Variants in SCYL3 observed in about 807,000 individuals in gnomAD.
SCYL3 encodes SCY1 like pseudokinase 3.
A neutral mutation model predicts 73.8 loss-of-function variants in SCYL3; 35 were observed. That is an observed-to-expected ratio of 0.47 (90% CI 0.36 to 0.63). The LOEUF is 0.63. Ranked by LOEUF, SCYL3 falls within the 20% of genes least tolerant of loss-of-function variation. The probability of loss-of-function intolerance (pLI) is 0.00; values close to 1 mark genes in which losing one functional copy is unlikely to be tolerated. For missense variants in SCYL3, 712 were observed against 798.9 expected, an observed-to-expected ratio of 0.89 and a Z score of 1.31; for synonymous variants, 277 against 295.2, an observed-to-expected ratio of 0.94 and a Z score of 0.63.
chr1:169,855,904 C>T, intron 11 of SCYL3: 1 of 1,613,898 alleles, frequency 6.2e-7, no homozygotes, highest in Non-Finnish European at 8.5e-7. Context: ...AAGGGGTTCT[C>T]CAAGATTGGC....
At position 169,852,083 on chromosome 1, in the gene SCYL3, T is replaced by C; in HGVS notation, c.*1630A>G. 1 of 1,100,074 alleles carries C rather than the reference T, an allele frequency of 9.1e-7. No individual in the cohort carries two copies. Among genetic ancestry groups the C allele is most frequent in the Non-Finnish European group, 1.3e-6 (1 of 754,438 alleles). 68.1% of individuals were successfully genotyped at this position (1,100,074 alleles called of 1,614,324 possible). ...AGACATGTAAAATTCTGTTTTATGG[T>C]AGTTGCTTTTAAAATTAAGAAGTGG... On this transcript the variant is annotated 3_prime_UTR_variant, in exon 13 of 13. Transcript: ENST00000367771.
intron 5 of SCYL3, among the ~76,000 whole-genome samples, chr1:169,872,170 C>A (rs1660451355): frequency 6.6e-6 from 1 of 152,354 alleles, no homozygotes; most frequent in East Asian, 1.9e-4. Flanking sequence ...AAAGTGGTTT[C>A]ATGGGCGAGG....
intron 2 of SCYL3, 140 bp from the exon 3 acceptor site, chr1:169,878,959 A>G (rs569657037): frequency 2.2e-5 from 14 of 643,404 alleles, no homozygotes; most frequent in African/African-American, 2.0e-4. Flanking sequence ...CCTACCCACT[A>G]TATTTCACAT....
chr1:169,858,833 T>C (rs902549887), intron 11 of SCYL3, among the ~76,000 whole-genome samples: 4 of 152,008 alleles, frequency 2.6e-5, no homozygotes, highest in East Asian at 3.9e-4. Flanking sequence ...TGTAAACATA[T>C]ATCTGTGTGT....
chr1:169,854,541 T>C lies in SCYL3; in HGVS notation c.1736A>G (p.Asp579Gly). The change falls in exon 12 of 13, where the codon GAC becomes GGC. Residue 579 changes from aspartate (D) to glycine (G), a missense_variant. Around this residue, in one of 2 missense-constraint regions of SCYL3, gnomAD observed 370 missense variants for 350.8 expected, o/e 1.05. Coordinates refer to ENST00000367771, the MANE Select transcript of SCYL3 (RefSeq NM_020423.7). ...TGACACTTTTGGCGGCTCGATTTGGTCTGCGTCATCCCCCCTTTGTACAAG... is the reference window on the plus strand; with the variant it reads ...TGACACTTTTGGCGGCTCGATTTGGCCTGCGTCATCCCCCCTTTGTACAAG... ...ISLVQRGDDADQIEPPKVSSQ... is the reference protein window; with the variant it reads ...ISLVQRGDDAGQIEPPKVSSQ... 6.2e-7 allele frequency: 1 copy of C among 1,613,986 alleles called. No individual in the cohort carries two copies. Among genetic ancestry groups the C allele is most frequent in the Non-Finnish European group, 8.5e-7 (1 of 1,179,974 alleles).
chr1:169,866,721 C>T (rs1368605486), intron 8 of SCYL3, among the ~76,000 whole-genome samples, 175 bp downstream of exon 8: 1 of 152,212 alleles, frequency 6.6e-6, no homozygotes, highest in African/African-American at 2.4e-5. Context: ...GTATCTATTT[C>T]TTTCACCAGA....
At chr1:169,853,869 T>C (rs929188345) in intron 12 of SCYL3, 97 bp from the exon 13 acceptor site, 1 of 1,377,934 alleles carries the variant, frequency 7.3e-7, no homozygotes, top group African/African-American at 1.4e-5. Flanking sequence ...AATTTATCTT[T>C]TGATGCCAGA....
intron 8 of SCYL3, 61 bp from the exon 9 acceptor site, chr1:169,864,569 C>T: frequency 6.7e-7 from 1 of 1,486,674 alleles, no homozygotes; most frequent in Non-Finnish European, 9.0e-7. Flanking sequence ...CTTACTTGTA[C>T]AGTTTAGCCT....
rs572955508 is a variant in SCYL3, at chr1:169,852,575, A to AAGAC, written c.*1134_*1137dup. The AAGAC allele has an allele frequency of 4.1e-4, 231 of 569,384 alleles. No homozygotes were observed. The African/African-American group carries it at 4.2e-3, about 10-fold the overall frequency. 35.3% of individuals were successfully genotyped at this position (569,384 alleles called of 1,614,324 possible). ...ACTTGTTGTATACCACATACAAACT[A>AAGAC]AGACACTGGTAGTAGCACTCTGAAT... On this transcript the variant is annotated 3_prime_UTR_variant, in exon 13 of 13. Transcript: ENST00000367771.
chr1:169,852,853 A>T lies in SCYL3; in HGVS notation c.*860T>A. On this transcript the variant is annotated 3_prime_UTR_variant, in exon 13 of 13. Coordinates refer to ENST00000367771, the MANE Select transcript of SCYL3 (RefSeq NM_020423.7). The stretch of plus-strand genomic sequence containing the variant: ...AGAAGAGTACAGGTCAGCGCTGCAT[A>T]CAATAGCAGGGGCTTTGGAAGCAAC... The T allele has an allele frequency of 6.2e-7, 1 of 1,614,184 alleles. No individual in the cohort carries two copies. The highest frequency in any genetic ancestry group is 8.5e-7 in the Non-Finnish European group (1 of 1,180,008).
intron 10 of SCYL3, among the ~76,000 whole-genome samples, chr1:169,861,685 A>AAGCAGAGAGAATGTTAATCTAT: frequency 6.6e-6 from 1 of 152,208 alleles, no homozygotes; most frequent in East Asian, 1.9e-4. Flanking sequence ...AGCTCCTTGA[A>AAGCAGAGAGAATGTTAATCTAT]AGCAGAGAGA....
intron 2 of SCYL3, among the ~76,000 whole-genome samples, chr1:169,882,766 T>C (rs1255181726): frequency 1.3e-5 from 2 of 152,172 alleles, no homozygotes; most frequent in African/African-American, 4.8e-5. Flanking sequence ...AACCTTTGTG[T>C]CCACACTCTG....
intron 10 of SCYL3, among the ~76,000 whole-genome samples, chr1:169,861,949 T>C (rs965924714): frequency 1.3e-5 from 2 of 152,112 alleles, no homozygotes; most frequent in African/African-American, 4.8e-5. Context: ...AAGCAGAGAC[T>C]GGAATGATAC....
intron 11 of SCYL3, chr1:169,856,079 T>C (rs924918794): frequency 2.9e-5 from 24 of 817,214 alleles, no homozygotes; most frequent in Non-Finnish European, 4.2e-5. Context: ...AAGGATAAAA[T>C]GGAGGAGAGA....
At position 169,854,878 on chromosome 1, in the gene SCYL3, A is replaced by T; in HGVS notation, c.1399T>A (p.Ser467Thr). The part of the protein sequence containing the change: ...NTSEDSENFP[S>T]SSKKSEEWPD... The stretch of plus-strand genomic sequence containing the variant: ...CACTCCTCAGACTTTTTAGAACTTG[A>T]TGGGAAGTTTTCACTGTCCTCCGAA... Residue 467 changes from serine to threonine, a missense_variant, in exon 12 of 13, where the codon TCA (serine) becomes ACA (threonine). Ser to Thr is a moderately conservative substitution (Grantham distance 58). Coordinates refer to ENST00000367771, the MANE Select transcript of SCYL3 (RefSeq NM_020423.7). The T allele has an allele frequency of 6.2e-7, 1 of 1,613,944 alleles. No homozygotes were observed. The highest frequency in any genetic ancestry group is 8.5e-7 in the Non-Finnish European group (1 of 1,179,868).
In SCYL3 at chr1:169,850,980, C is replaced by CTTTTTTTTTTTTTT. The variant is rs869158038; in HGVS notation, c.*2719_*2732dup. The stretch of plus-strand genomic sequence containing the variant: ...TATTTTGGGTATAATTTAGGCATGG[C>CTTTTTTTTTTTTTT]TTTTTTTTTTTTTTTTTTTTTTTTT... On this transcript the variant is annotated 3_prime_UTR_variant, in exon 13 of 13. Coordinates refer to ENST00000367771, the MANE Select transcript of SCYL3 (RefSeq NM_020423.7). 1.6e-4 allele frequency: 5 copies of CTTTTTTTTTTTTTT among 31,578 alleles called. No homozygotes were observed. Among genetic ancestry groups the CTTTTTTTTTTTTTT allele is most frequent in the South Asian group, 2.6e-3 (2 of 780 alleles). The allele number at this position is 31,578 out of a possible 1,614,324, so 2.0% of individuals were successfully genotyped here. A position where few individuals can be genotyped will look rare whatever the true frequency, so the allele number is the denominator to read the frequency against.
chr1:169,854,171 A>AAAAT (rs1035679773), intron 12 of SCYL3, 99 bp downstream of exon 12: 5 of 857,748 alleles, frequency 5.8e-6, no homozygotes, highest in Admixed American at 3.3e-5. Flanking sequence ...CTTGACTAGG[A>AAAAT]AAATAGCATG....
intron 12 of SCYL3, 166 bp downstream of exon 12, chr1:169,854,104 G>A: frequency 1.6e-6 from 1 of 608,118 alleles, no homozygotes; most frequent in Non-Finnish European, 2.7e-6. Flanking sequence ...CATTTTTCTG[G>A]GGGAAGGAAA....
chr1:169,892,833 A>G (rs1234562824), intron 1 of SCYL3, among the ~76,000 whole-genome samples: 1 of 152,228 alleles, frequency 6.6e-6, no homozygotes, highest in Non-Finnish European at 1.5e-5. Flanking sequence ...AAATGTTTCT[A>G]CCAAATATTT....
Sources: allele counts gnomAD v4.1 joint callset (sites outside exome capture counted in the v4.1 genomes callset), GRCh38; gene constraint gnomAD v4.1.1; regional missense constraint gnomAD v4.1.1; transcripts MANE v1.5; gene names NCBI Gene and HGNC (gene_info 2026-07-23, HGNC 2026-07-21).